PCDHA10: variants seen among roughly 807,000 people sequenced by gnomAD.
The protein encoded by PCDHA10 is protocadherin alpha-10.
Under a neutral mutation model 61.2 loss-of-function variants are expected in PCDHA10, and 45 were observed. The observed-to-expected ratio is 0.74, with a 90% CI of 0.58 to 0.94. The LOEUF is 0.94. PCDHA10 is among the 40% of genes least tolerant of loss of function. PCDHA10 has a pLI of 0.00. For missense variants in PCDHA10, 1,278 were observed against 1,236.2 expected, an observed-to-expected ratio of 1.03 and a Z score of -0.51; for synonymous variants, 602 against 548.8, an observed-to-expected ratio of 1.10 and a Z score of -1.35.
At chr5:140,915,826 T>G (rs1432367192) in intron 1 of PCDHA10, among the ~76,000 whole-genome samples, 1 of 152,134 alleles carries the variant, frequency 6.6e-6, no homozygotes, top group Non-Finnish European at 1.5e-5. Context: ...GCCCTAGGGC[T>G]CTAAGATCAG....
At chr5:140,910,482 C>T (rs1439012617) in intron 1 of PCDHA10, among the ~76,000 whole-genome samples, 3 of 152,178 alleles carry the variant, frequency 2.0e-5, no homozygotes, top group African/African-American at 7.2e-5. Flanking sequence ...ATCTGGCATA[C>T]AGAGAAGAGC....
chr5:140,903,349 A>T (rs1191077377), intron 1 of PCDHA10, among the ~76,000 whole-genome samples: 1 of 152,240 alleles, frequency 6.6e-6, no homozygotes, highest in Non-Finnish European at 1.5e-5. Flanking sequence ...ATTTTAAAAA[A>T]CAAGTTTTTC....
intron 1 of PCDHA10, chr5:140,883,658 G>T (rs573544891): frequency 6.2e-7 from 1 of 1,613,994 alleles, no homozygotes; most frequent in Non-Finnish European, 8.5e-7. Context: ...CACGGTGTTC[G>T]TGAAGGAAAA....
At chr5:140,925,108 G>GGAAGGAA (rs1554202548) in intron 1 of PCDHA10, among the ~76,000 whole-genome samples, 42 of 124,700 alleles carry the variant, frequency 3.4e-4, no homozygotes, top group African/African-American at 1.4e-3. Context: ...GAAGGAAGGA[G>GGAAGGAA]GGAAGGAAGG....
chr5:140,928,687 C>G (rs782599747), intron 1 of PCDHA10: 1 of 1,614,142 alleles, frequency 6.2e-7, no homozygotes, highest in Non-Finnish European at 8.5e-7. Flanking sequence ...GCTTTCCTAC[C>G]ACATCTCCCG....
chr5:140,867,064 T>C (rs890190808), intron 1 of PCDHA10: 7 of 152,176 alleles, frequency 4.6e-5, no homozygotes, highest in Admixed American at 1.3e-4. Flanking sequence ...CTACTTTATA[T>C]ATTCACAAAA....
rs782073950 is a variant in PCDHA10, at chr5:140,978,950, C to G, written c.2390C>G (p.Pro797Arg). The G allele has an allele frequency of 1.2e-6, 2 of 1,614,102 alleles. No individual in the cohort carries two copies. The highest frequency in any genetic ancestry group is 1.7e-6 in the Non-Finnish European group (2 of 1,180,022). Reference sequence around the variant, plus strand: ...AAAACTCTCTTTGTGATTTTGCAGCCACGACAGCCCAACCCTGACTGGCGT... The same window carrying G: ...AAAACTCTCTTTGTGATTTTGCAGCGACGACAGCCCAACCCTGACTGGCGT... ...QSIGGDHSRK[P>R]RQPNPDWRYS... The change falls in exon 2 of 4, where the codon CCA becomes CGA. Residue 797 changes from proline to arginine, a missense_variant and splice_region_variant. Coordinates refer to ENST00000307360, the MANE Select transcript of PCDHA10 (RefSeq NM_018901.4).
At chr5:140,924,902 A>T (rs1484044152) in intron 1 of PCDHA10, among the ~76,000 whole-genome samples, 1 of 39,026 alleles carries the variant, frequency 2.6e-5, no homozygotes, top group African/African-American at 7.6e-5. Context: ...CTCAAAAAAA[A>T]AAATAAAATA....
At chr5:140,993,151 TC>T (rs2097543126) in intron 3 of PCDHA10, among the ~76,000 whole-genome samples, 1 of 152,246 alleles carries the variant, frequency 6.6e-6, no homozygotes, top group Admixed American at 6.5e-5. Flanking sequence ...ATAAATGGAT[TC>T]TAAATATTTG....
chr5:140,870,055 G>A (rs868919509), intron 1 of PCDHA10: 6 of 1,613,774 alleles, frequency 3.7e-6, no homozygotes, highest in Non-Finnish European at 5.1e-6. Context: ...TTATAAAATT[G>A]AAGTACAGGC....
At chr5:140,867,525 TA>T (rs2050008799) in intron 1 of PCDHA10, 4 of 152,102 alleles carry the variant, frequency 2.6e-5, no homozygotes, top group Admixed American at 2.6e-4. Context: ...AATAGTTGAA[TA>T]TATATATAAA....
At position 140,856,129 on chromosome 5, in the gene PCDHA10, C is replaced by G. The variant is rs149039484; in HGVS notation, c.81C>G (p.Ser27Arg). ...TCCTCGCAGCCTGGGAGGTGGGGAG[C>G]GGCCAGCTCCACTACTCAGTCTACG... ...LLLLAAWEVGSGQLHYSVYEE... is the reference protein window; with the variant it reads ...LLLLAAWEVGRGQLHYSVYEE... Residue 27 changes from serine to arginine, a missense_variant, in exon 1 of 4, where the codon AGC (serine) becomes AGG (arginine). Transcript: ENST00000307360. The G allele has an allele frequency of 2.3e-5, 36 of 1,597,980 alleles. 3 individuals are homozygous for G. Among genetic ancestry groups the G allele is most frequent in the African/African-American group, 2.7e-5 (2 of 74,256 alleles).
Position 140,967,363 on chromosome 5 carries a change from C to T in PCDHA10, c.2389-11586C>T, listed in dbSNP as rs539138806. On this transcript the variant is annotated intron_variant, in intron 1 of 3. Coordinates refer to ENST00000307360, the MANE Select transcript of PCDHA10 (RefSeq NM_018901.4). ...AGCACTTCGAGCTGGACCTTAAGCCCCTGCAGGAGAACAGTAAAGTGCTTG... is the reference window on the plus strand; with the variant it reads ...AGCACTTCGAGCTGGACCTTAAGCCTCTGCAGGAGAACAGTAAAGTGCTTG... The T allele has an allele frequency of 1.6e-5, 26 of 1,607,546 alleles. No homozygotes were observed. The South Asian group carries it at 2.9e-4, about 18-fold the overall frequency.
intron 1 of PCDHA10, among the ~76,000 whole-genome samples, chr5:140,922,046 A>C (rs1388720677): frequency 6.6e-6 from 1 of 152,150 alleles, no homozygotes; most frequent in Non-Finnish European, 1.5e-5. Flanking sequence ...TTTCCCACAT[A>C]CCTTCAAAAT....
rs1554239929 is a variant in PCDHA10 at position 140,978,939 on chromosome 5, G to A, written c.2389-10G>A. 1 of 1,613,986 alleles carries A rather than the reference G, an allele frequency of 6.2e-7. No individual in the cohort carries two copies. The highest frequency in any genetic ancestry group is 1.3e-5 in the African/African-American group (1 of 74,908). On this transcript the variant is annotated splice_polypyrimidine_tract_variant and intron_variant, in intron 1 of 3. Transcript: ENST00000307360. ...CATTTTAACAGAAAACTCTCTTTGTGATTTTGCAGCCACGACAGCCCAACC... is the reference window on the plus strand; with the variant it reads ...CATTTTAACAGAAAACTCTCTTTGTAATTTTGCAGCCACGACAGCCCAACC...
At chr5:140,937,302 G>T (rs1554211521) in intron 1 of PCDHA10, among the ~76,000 whole-genome samples, 4 of 152,094 alleles carry the variant, frequency 2.6e-5, no homozygotes, top group African/African-American at 9.7e-5. Flanking sequence ...CTCCCAAAGT[G>T]CTGGGATTAC....
At chr5:140,875,740 A>G (rs377133743) in intron 1 of PCDHA10, 14 of 1,614,104 alleles carry the variant, frequency 8.7e-6, no homozygotes, top group Non-Finnish European at 1.2e-5. Context: ...GAATTCTCGG[A>G]TCGACCGCGA....
rs782607699 is a variant in PCDHA10, at chr5:140,926,577, C to A, written c.2389-52372C>A. ...CAGCCCGCTGCTACTGGAGACAGCA[C>A]CTCTCGCGCCCGGGCGGGCGGCCTC... On this transcript the variant is annotated intron_variant, in intron 1 of 3. Coordinates refer to ENST00000307360, the MANE Select transcript of PCDHA10 (RefSeq NM_018901.4). The A allele has an allele frequency of 2.5e-5, 7 of 275,464 alleles. No individual in the cohort carries two copies. In the Middle Eastern group the frequency reaches 3.1e-3, roughly 122 times the overall value. The allele number at this position is 275,464 out of a possible 1,614,324, so 17.1% of individuals were successfully genotyped here. A position where few individuals can be genotyped will look rare whatever the true frequency, so the allele number is the denominator to read the frequency against.
intron 1 of PCDHA10, chr5:140,883,960 G>T (rs2059914384): frequency 3.1e-6 from 5 of 1,613,090 alleles, no homozygotes; most frequent in Non-Finnish European, 4.2e-6. Flanking sequence ...ACGCTCCGGC[G>T]CTGCTGACGC....
Sources: allele counts gnomAD v4.1 joint callset (sites outside exome capture counted in the v4.1 genomes callset), GRCh38; gene constraint gnomAD v4.1.1; transcripts MANE v1.5; gene names NCBI Gene and HGNC (gene_info 2026-07-23, HGNC 2026-07-21).